Variants in NUP205 observed in about 807,000 individuals in gnomAD.
The protein encoded by NUP205 is nuclear pore complex protein Nup205.
A neutral mutation model predicts 253.8 loss-of-function variants in NUP205; 76 were observed. The observed-to-expected ratio is 0.30, with a 90% CI of 0.25 to 0.36. The LOEUF (loss-of-function observed/expected upper bound fraction) is 0.36. Among genes scored for constraint, NUP205 ranks in the 10% least tolerant of loss-of-function variants. NUP205 has a pLI of 1.00. For missense variants in NUP205, 2,162 were observed against 2,425.5 expected (o/e 0.89, Z 2.28); for synonymous variants, 832 against 850.1 (o/e 0.98, Z 0.37).
intron 37 of NUP205, 69 bp downstream of exon 37, chr7:135,638,128 G>A: frequency 2.0e-6 from 3 of 1,529,246 alleles, no homozygotes; most frequent in Non-Finnish European, 8.9e-7. Flanking sequence ...AACAGATGTG[G>A]ACCTGGTGCG....
rs1427989825 is a variant in NUP205 at position 135,570,677 on chromosome 7, A to G, written c.29-428A>G. 2.8e-5 allele frequency among the ~76,000 whole-genome samples: 3 copies of G among 107,526 alleles called. 1 individual carries two copies. Among genetic ancestry groups the G allele is most frequent in the African/African-American group, 1.1e-4 (3 of 27,304 alleles). The allele number at this position is 107,526 out of a possible 152,430, so 70.5% of individuals were successfully genotyped here. The stretch of plus-strand genomic sequence containing the variant: ...TTTATTATATTAATATAATTAATAT[A>G]TATTAATTATATTAATATAATTAAT... On this transcript the variant is annotated intron_variant, in intron 1 of 42. Coordinates refer to ENST00000285968, the MANE Select transcript of NUP205 (RefSeq NM_015135.3).
At chr7:135,604,860 C>T (rs1794053556) in intron 19 of NUP205, among the ~76,000 whole-genome samples, 1 of 152,186 alleles carries the variant, frequency 6.6e-6, no homozygotes, top group South Asian at 2.1e-4. Flanking sequence ...CACTGGTTTT[C>T]TTGTGATCCA....
chr7:135,567,425 C>CAA lies in NUP205; in HGVS notation c.29-3659_29-3658dup, dbSNP rs760535798. On this transcript the variant is annotated intron_variant, in intron 1 of 42. Transcript: ENST00000285968. ...CAACATGGTGAAACCCTGTCTATACCAAAAAAAAAAAAAAAAAAAAAAGCA... is the reference window on the plus strand; with the variant it reads ...CAACATGGTGAAACCCTGTCTATACCAAAAAAAAAAAAAAAAAAAAAAAAGCA... Among the ~76,000 whole-genome samples, 42 of 64,978 alleles carry CAA rather than the reference C, an allele frequency of 6.5e-4. 1 individual carries two copies. The highest frequency in any genetic ancestry group is 1.5e-3 in the East Asian group (3 of 2,044). The allele number at this position is 64,978 out of a possible 152,430, so 42.6% of individuals were successfully genotyped here. A position where few individuals can be genotyped will look rare whatever the true frequency, so the allele number is the denominator to read the frequency against.
chr7:135,578,324 A>C (rs537686809), intron 6 of NUP205, among the ~76,000 whole-genome samples: 3 of 152,178 alleles, frequency 2.0e-5, no homozygotes, highest in Non-Finnish European at 4.4e-5. Context: ...ATTCATTTAC[A>C]TTTTCAAACT....
intron 1 of NUP205, among the ~76,000 whole-genome samples, chr7:135,562,274 A>G (rs1310396067): frequency 2.0e-5 from 3 of 151,810 alleles, no homozygotes; most frequent in Admixed American, 6.6e-5. Context: ...TCAGCTCACT[A>G]CAACCTCTGC....
At chr7:135,634,744 C>T (rs1007834835) in intron 35 of NUP205, among the ~76,000 whole-genome samples, 2 of 151,806 alleles carry the variant, frequency 1.3e-5, no homozygotes, top group Admixed American at 6.6e-5. Context: ...CGGTGAGGCA[C>T]GGATAGAGGT....
chr7:135,561,197 A>G (rs1054803383), intron 1 of NUP205, among the ~76,000 whole-genome samples: 2 of 152,102 alleles, frequency 1.3e-5, no homozygotes, highest in African/African-American at 4.8e-5. Context: ...TACAAAAATT[A>G]GCCTGGCATG....
Position 135,619,586 on chromosome 7 carries a change from C to T in NUP205, c.4127C>T (p.Thr1376Ile), listed in dbSNP as rs758037336. The part of the protein sequence containing the change: ...HYAFMLDSCF[T>I]SPPPEENPLV... ...GCTTTTATGCTTGATAGTTGCTTCA[C>T]CTCACCTCCTCCTGAAGAGAACCCA... The change falls in exon 29 of 43, where the codon ACC becomes ATC. Residue 1376 changes from threonine (T) to isoleucine (I), a missense_variant. By Grantham distance (89) the Thr-to-Ile change is moderately conservative. This residue lies in a region of NUP205 where 1,144 missense variants were observed against 1,280.9 expected (regional missense o/e 0.89). Transcript: ENST00000285968. 2.2e-5 allele frequency: 36 copies of T among 1,614,016 alleles called. No individual in the cohort carries two copies. The South Asian group carries it at 3.7e-4, about 17-fold the overall frequency.
At chr7:135,559,312 A>T (rs960974525) in intron 1 of NUP205, among the ~76,000 whole-genome samples, 29 of 152,192 alleles carry the variant, frequency 1.9e-4, no homozygotes, top group Admixed American at 1.6e-3. Context: ...CTTCCCAATT[A>T]GATATGCTTA....
intron 6 of NUP205, 101 bp from the exon 7 acceptor site, chr7:135,578,650 T>G: frequency 2.0e-5 from 16 of 785,524 alleles, no homozygotes; most frequent in Non-Finnish European, 2.8e-5. Context: ...TATTCTTCTG[T>G]GAGAATGCTC....
Position 135,604,404 on chromosome 7 carries a change from A to C in NUP205, c.2767A>C (p.Ile923Leu). 1 of 1,612,928 alleles carries C rather than the reference A, an allele frequency of 6.2e-7. No homozygotes were observed. Among genetic ancestry groups the C allele is most frequent in the South Asian group, 1.1e-5 (1 of 90,966 alleles). The change falls in exon 19 of 43, where the codon ATC (isoleucine) becomes CTC (leucine). Residue 923 changes from isoleucine (I) to leucine (L), a missense_variant. Ile to Leu is a conservative substitution (Grantham distance 5, BLOSUM62 2). This residue lies in a region of NUP205 where 892 missense variants were observed against 957.1 expected (regional missense o/e 0.93). Transcript: ENST00000285968. ...AFESAKILCC[I>L]SCNSNIQIKL... ...TGAAAGTGCCAAGATCCTCTGTTGT[A>C]TCTCTTGCAACTCTAATATTCAGAT... is the stretch of plus-strand genomic sequence containing the variant.
chr7:135,576,935 T>C (rs540471626), intron 4 of NUP205, 34 bp from the exon 5 acceptor site: 1 of 1,587,208 alleles, frequency 6.3e-7, no homozygotes, highest in South Asian at 1.1e-5. Context: ...AACAATATTG[T>C]TTAACGTAGT....
chr7:135,592,691 A>G (rs993113591), intron 11 of NUP205, among the ~76,000 whole-genome samples: 3 of 152,298 alleles, frequency 2.0e-5, no homozygotes, highest in Non-Finnish European at 4.4e-5. Flanking sequence ...GTTCAAGAGC[A>G]GCCTGGCCAA....
intron 8 of NUP205, 58 bp from the exon 9 acceptor site, chr7:135,587,514 CATT>C (rs1263062239): frequency 8.5e-6 from 8 of 940,394 alleles, no homozygotes; most frequent in South Asian, 2.2e-5. Flanking sequence ...TGCCTGATTT[CATT>C]ATTATTAGCA....
At chr7:135,642,726 C>T (rs1313014552) in intron 38 of NUP205, among the ~76,000 whole-genome samples, 22 of 152,030 alleles carry the variant, frequency 1.4e-4, no homozygotes, top group Admixed American at 1.4e-3. Context: ...AATTTAGTAA[C>T]CAGAAAGATG....
At chr7:135,590,597 A>C (rs991536327) in intron 10 of NUP205, among the ~76,000 whole-genome samples, 6 of 151,580 alleles carry the variant, frequency 4.0e-5, no homozygotes, top group Admixed American at 3.9e-4. Context: ...CAGTGGCGCA[A>C]TCTTGGCTCA....
At chr7:135,583,659 C>T (rs1262232025) in intron 7 of NUP205, among the ~76,000 whole-genome samples, 9 of 151,898 alleles carry the variant, frequency 5.9e-5, no homozygotes, top group African/African-American at 2.2e-4. Flanking sequence ...ACTTGGGTGG[C>T]TGAGGCCTGA....
chr7:135,586,677 T>G (rs1373856889), intron 8 of NUP205, among the ~76,000 whole-genome samples: 1 of 152,196 alleles, frequency 6.6e-6, no homozygotes, highest in Non-Finnish European at 1.5e-5. Context: ...CTTCTTTGAT[T>G]GATGGGTTAT....
At chr7:135,606,660 ATGGAGT>A (rs1298836391) in intron 20 of NUP205, 85 bp from the exon 21 acceptor site, 2 of 929,588 alleles carry the variant, frequency 2.2e-6, no homozygotes, top group African/African-American at 3.3e-5. Flanking sequence ...TAAAGAAAAC[ATGGAGT>A]TGGAATACAA....
Sources: allele counts gnomAD v4.1 joint callset (sites outside exome capture counted in the v4.1 genomes callset), GRCh38; gene constraint gnomAD v4.1.1; regional missense constraint gnomAD v4.1.1; transcripts MANE v1.5; gene names NCBI Gene and HGNC (gene_info 2026-07-23, HGNC 2026-07-21).